Variants in TOP3B observed in about 807,000 individuals in gnomAD.
TOP3B encodes the protein DNA topoisomerase III beta, also known as DNA topoisomerase 3-beta-1.
Under a neutral mutation model 93.9 loss-of-function variants are expected in TOP3B, and 45 were observed. That is an observed-to-expected ratio of 0.48 (90% confidence interval 0.38 to 0.61). The LOEUF is 0.61. TOP3B is among the 20% of genes least tolerant of loss of function. The pLI is 0.00. For synonymous variants in TOP3B, 357 were observed against 472.6 expected (o/e 0.76, Z 3.17); for missense variants, 750 against 1,156.1 (o/e 0.65, Z 5.09).
chr22:21,976,254 G>C (rs1046112151), intron 1 of TOP3B: 1 of 152,518 alleles, frequency 6.6e-6, no homozygotes, highest in Non-Finnish European at 1.5e-5. Flanking sequence ...GGACGCCCCA[G>C]GACACTTTAC....
chr22:21,963,188 T>G lies in TOP3B; in HGVS notation c.1205-295A>C. On this transcript the variant is annotated intron_variant, in intron 11 of 17. Transcript: ENST00000357179. This position sits in a 1 kb window ranked among gnomAD's most constrained non-coding sequence, Gnocchi z 4.8. Reference sequence around the variant, plus strand: ...GTCTCTACTAAAAATACAAAGAAATTAGCTGGGTGTGGTGGTGGGAGCCTG... The same window carrying G: ...GTCTCTACTAAAAATACAAAGAAATGAGCTGGGTGTGGTGGTGGGAGCCTG... 7.1e-6 allele frequency: 2 copies of G among 280,994 alleles called. No individual in the cohort carries two copies. The highest frequency in any genetic ancestry group is 1.4e-5 in the Non-Finnish European group (2 of 143,418). 17.4% of individuals were successfully genotyped at this position (280,994 alleles called of 1,614,324 possible). A position where few individuals can be genotyped will look rare whatever the true frequency, so the allele number is the denominator to read the frequency against.
chr22:21,961,241 G>A (rs1328169993), intron 13 of TOP3B: 3 of 152,332 alleles, frequency 2.0e-5, no homozygotes, highest in African/African-American at 7.2e-5. Context: ...CGGTGTGGCA[G>A]GCTGTGGGTG....
chr22:21,959,180 C>CCCA lies in TOP3B; in HGVS notation c.1856_1857insTGG (p.Lys619delinsAsnGly). On this transcript the variant is annotated protein_altering_variant, in exon 16 of 18. Transcript: ENST00000357179. ...GGCACTTCCCACAGCGTGAGAGGGG[C>CCCA]TTGCCTGTGGCCGCCAGGGGCGAGA... is the stretch of plus-strand genomic sequence containing the variant. 6.2e-7 allele frequency: 1 copy of CCCA among 1,613,794 alleles called. No homozygotes were observed.
Position 21,963,626 on chromosome 22 carries a change from G to T in TOP3B, c.1204+297C>A. 1 of 419,818 alleles carries T rather than the reference G, an allele frequency of 2.4e-6. No homozygotes were observed. Among genetic ancestry groups the T allele is most frequent in the South Asian group, 2.8e-5 (1 of 36,318 alleles). The allele number at this position is 419,818 out of a possible 1,614,324, so 26.0% of individuals were successfully genotyped here. ...ACTGGTACCACCTTAGGCCAGCTGG[G>T]AGGTAGGAGGTGTGCTGCCCCCTCC... On this transcript the variant is annotated intron_variant, in intron 11 of 17. Transcript: ENST00000357179. This position sits in a 1 kb window ranked among gnomAD's most constrained non-coding sequence, Gnocchi z 4.8.
Position 21,963,815 on chromosome 22 carries a change from G to T in TOP3B, c.1204+108C>A. 1 of 1,161,920 alleles carries T rather than the reference G, an allele frequency of 8.6e-7. No homozygotes were observed. 72.0% of individuals were successfully genotyped at this position (1,161,920 alleles called of 1,614,324 possible). On this transcript the variant is annotated intron_variant, in intron 11 of 17. Transcript: ENST00000357179. The surrounding 1 kb of genome is among the most constrained non-coding windows in gnomAD (Gnocchi z 4.8). The stretch of plus-strand genomic sequence containing the variant: ...CCCCCCATCCCCACAGCCAGGGCAG[G>T]CAGAGGCTGAAGGAGCCCCCACATT...
intron 17 of TOP3B, chr22:21,957,796 C>T: frequency 3.3e-6 from 5 of 1,529,962 alleles, no homozygotes; most frequent in Middle Eastern, 3.6e-4. Context: ...GAAACCTCCT[C>T]AACTTTCAAG....
chr22:21,971,078 C>A lies in TOP3B; in HGVS notation c.385-672G>T. ...GCTTCATTTCTGAAGGGAGAAAGCC[C>A]CATGAGCTGCCCCCATTCTCCATTC... On this transcript the variant is annotated intron_variant, in intron 5 of 17. Transcript: ENST00000357179. The surrounding 1 kb of genome is among the most constrained non-coding windows in gnomAD (Gnocchi z 4.6). The A allele has an allele frequency of 7.7e-7, 1 of 1,301,506 alleles. No homozygotes were observed. The highest frequency in any genetic ancestry group is 2.3e-5 in the Admixed American group (1 of 43,362). 80.6% of individuals were successfully genotyped at this position (1,301,506 alleles called of 1,614,324 possible).
rs780326638 is a variant in TOP3B at position 21,964,034 on chromosome 22, G to T, written c.1099-6C>A. The T allele has an allele frequency of 4.4e-6, 7 of 1,605,406 alleles. No individual in the cohort carries two copies. The East Asian group carries it at 1.1e-4, about 26-fold the overall frequency. On this transcript the variant is annotated splice_region_variant and splice_polypyrimidine_tract_variant and intron_variant, in intron 10 of 17. Transcript: ENST00000357179. ...TCTGCTAACAACCGCTTCACCTGAG[G>T]GAGAGAAGACAGAGCAGAGTCTGTG...
chr22:21,964,430 G>T, intron 9 of TOP3B, 115 bp from the exon 10 acceptor site: 1 of 1,284,714 alleles, frequency 7.8e-7, no homozygotes. Context: ...GAGGGTGACG[G>T]TGGCTCTGAG....
rs1310357661 is a variant in TOP3B, at chr22:21,958,192, C to A, written c.2107+300G>T. The A allele has an allele frequency of 3.1e-6, 4 of 1,291,230 alleles. No homozygotes were observed. The African/African-American group carries it at 6.0e-5, about 19-fold the overall frequency. The allele number at this position is 1,291,230 out of a possible 1,614,324, so 80.0% of individuals were successfully genotyped here. A position where few individuals can be genotyped will look rare whatever the true frequency, so the allele number is the denominator to read the frequency against. On this transcript the variant is annotated intron_variant, in intron 17 of 17. Coordinates refer to ENST00000357179, the MANE Select transcript of TOP3B (RefSeq NM_001282112.2). ...GGGGGTGCCCGCTCACCGGGTGGGT[C>A]CCCCGACTGCTGCATCCTCTTGCTC...
At chr22:21,960,790 G>C (rs1030227400) in intron 13 of TOP3B, 1 of 280,122 alleles carries the variant, frequency 3.6e-6, no homozygotes, top group Admixed American at 4.3e-5. Flanking sequence ...CTCCTGCCTG[G>C]GTCCTGTGGC....
intron 16 of TOP3B, 130 bp downstream of exon 16, chr22:21,959,002 A>C: frequency 7.2e-7 from 1 of 1,383,800 alleles, no homozygotes; most frequent in Non-Finnish European, 9.7e-7. Flanking sequence ...ATTTTTTGGC[A>C]AGGCCTCTTT....
chr22:21,958,010 G>A (rs1237492254), intron 17 of TOP3B: 2 of 1,332,634 alleles, frequency 1.5e-6, no homozygotes, highest in East Asian at 9.0e-5. Flanking sequence ...AGGCCTGAGG[G>A]AGCTTTCTGC....
rs758397988 is a variant in TOP3B at position 21,958,594 on chromosome 22, C to G, written c.2005G>C (p.Asp669His). 1 of 1,614,106 alleles carries G rather than the reference C, an allele frequency of 6.2e-7. No individual in the cohort carries two copies. Among genetic ancestry groups the G allele is most frequent in the East Asian group, 2.2e-5 (1 of 44,880 alleles). The change falls in exon 17 of 18, where the codon GAT becomes CAT. Residue 669 changes from aspartate (D) to histidine (H), a missense_variant. This residue lies in a region of TOP3B where 737 missense variants were observed against 933.7 expected (regional missense o/e 0.79). Coordinates refer to ENST00000357179, the MANE Select transcript of TOP3B (RefSeq NM_001282112.2). ...GACCACAGGACCAGCTCGAAGTCAT[C>G]CAGAGGGCAGCGGAGCTCCTTGTAG... ...KLYKELRCPL[D>H]DFELVLWSSG...
chr22:21,959,049 A>C, intron 16 of TOP3B, 83 bp downstream of exon 16: 1 of 1,557,578 alleles, frequency 6.4e-7, no homozygotes, highest in Non-Finnish European at 8.7e-7. Flanking sequence ...CAGGACAAAG[A>C]ACATGATTCC....
intron 16 of TOP3B, 174 bp downstream of exon 16, chr22:21,958,958 G>C (rs1424711511): frequency 1.5e-5 from 16 of 1,095,020 alleles, no homozygotes; most frequent in Admixed American, 2.8e-5. Context: ...TGGCCTAATG[G>C]CTGTGTATTC....
At position 21,964,172 on chromosome 22, in the gene TOP3B, A is replaced by T. The variant is rs1218216481; in HGVS notation, c.1087T>A (p.Trp363Arg). 6.2e-7 allele frequency: 1 copy of T among 1,613,950 alleles called. No individual in the cohort carries two copies. ...CCGGCTCCACTCACCGTGTCGGCCC[A>T]GTAGGGGTGGTTGGCCTGCTGCCGC... ...SLRQQANHPY[W>R]ADTVKRLLAE... The change falls in exon 10 of 18, where the codon TGG becomes AGG. Residue 363 changes from tryptophan to arginine, a missense_variant. By Grantham distance (101) the Trp-to-Arg change is moderately radical. Coordinates refer to ENST00000357179, the MANE Select transcript of TOP3B (RefSeq NM_001282112.2).
At chr22:21,968,312 G>A (rs913992467) in intron 7 of TOP3B, 2 of 352,796 alleles carry the variant, frequency 5.7e-6, no homozygotes, top group Admixed American at 8.6e-5. Context: ...AAAGCCAATG[G>A]TCTCAGTCCA....
At chr22:21,965,784 A>C (rs942277328) in intron 8 of TOP3B, 2 of 155,240 alleles carry the variant, frequency 1.3e-5, no homozygotes, top group African/African-American at 4.8e-5. Flanking sequence ...GAATTGCTTG[A>C]ACCTGGGAGG....
Sources: gnomAD v4.1 joint callset for allele counts on GRCh38, gnomAD v4.1.1 for gene constraint, gnomAD v4.1.1 regional missense constraint, Gnocchi (gnomAD v3.1) non-coding constraint, MANE v1.5 for transcripts, NCBI Gene and HGNC (gene_info 2026-07-23, HGNC 2026-07-21) for gene names.